RAB37: variants seen among roughly 807,000 people sequenced by gnomAD.
RAB37 encodes ras-related protein Rab-37.
Under a neutral mutation model 33.1 loss-of-function variants are expected in RAB37, and 29 were observed. That is an observed-to-expected ratio of 0.88 (90% CI 0.65 to 1.20). The LOEUF (loss-of-function observed/expected upper bound fraction) is 1.20. Among genes scored for constraint, RAB37 ranks in the 50% most tolerant of loss-of-function variants. The pLI is 0.00. For missense variants in RAB37, 299 were observed against 301.1 expected, an observed-to-expected ratio of 0.99 and a Z score of 0.05; for synonymous variants, 128 against 119.5, an observed-to-expected ratio of 1.07 and a Z score of -0.47.
At chr17:74,693,476 G>A (rs867168141) in intron 1 of RAB37, among the ~76,000 whole-genome samples, 9 of 152,260 alleles carry the variant, frequency 5.9e-5, no homozygotes, top group Middle Eastern at 3.4e-3. Context: ...TTGCTGGGAC[G>A]AGAATGGACT....
At chr17:74,735,075 AAAG>A (rs1394651618), upstream of RAB37, among the ~76,000 whole-genome samples, 4 of 138,714 alleles carry the variant, frequency 2.9e-5, no homozygotes, top group African/African-American at 5.9e-5. Context: ...AAGAAAGGGA[AAAG>A]AAGGAAGGAA....
intron 1 of RAB37, among the ~76,000 whole-genome samples, chr17:74,674,581 G>T (rs141537905): frequency 1.3e-5 from 2 of 152,216 alleles, no homozygotes; most frequent in African/African-American, 4.8e-5. Flanking sequence ...GGGAGGCTGA[G>T]ACAGGAGAAT....
Position 74,698,411 on chromosome 17 carries a change from C to T in RAB37, c.72+26753C>T, listed in dbSNP as rs148594652. On this transcript the variant is annotated intron_variant, in intron 1 of 7. Transcript: ENST00000340415. Reference sequence around the variant, plus strand: ...ATCATCCTCCAAGCCAAGAGTGAGGCGGCCACCAAAAGCAGCAGCAATATG... The same window carrying T: ...ATCATCCTCCAAGCCAAGAGTGAGGTGGCCACCAAAAGCAGCAGCAATATG... 286 of 1,613,954 alleles carry T rather than the reference C, an allele frequency of 1.8e-4. 1 individual carries two copies. The highest frequency in any genetic ancestry group is 8.3e-4 in the Middle Eastern group (5 of 6,012).
chr17:74,688,802 C>T (rs1260452318), intron 1 of RAB37, among the ~76,000 whole-genome samples: 1 of 152,096 alleles, frequency 6.6e-6, no homozygotes, highest in East Asian at 1.9e-4. Flanking sequence ...AATCAGGTGG[C>T]TTCATAAGTT....
chr17:74,737,489 G>T (rs2034508132), intron 1 of RAB37, 124 bp downstream of exon 1: 1 of 1,136,004 alleles, frequency 8.8e-7, no homozygotes, highest in African/African-American at 1.6e-5. Context: ...AGGGAGAGAG[G>T]GTCAGGACAC....
rs1012580688 is a variant in RAB37 at position 74,730,735 on chromosome 17, G to A, written c.183+1369G>A. 6.6e-6 allele frequency among the ~76,000 whole-genome samples: 1 copy of A among 152,094 alleles called. No homozygotes were observed. Among genetic ancestry groups the A allele is most frequent in the Non-Finnish European group, 1.5e-5 (1 of 68,004 alleles). Reference sequence around the variant, plus strand: ...ACACCCTGCCCTCAGGGTCACACCCGCATCTCCTCACCCACCCTTCTGCCT... The same window carrying A: ...ACACCCTGCCCTCAGGGTCACACCCACATCTCCTCACCCACCCTTCTGCCT... On this transcript the variant is annotated intron_variant, in intron 2 of 7. Transcript: ENST00000340415. The surrounding 1 kb of genome is among the most constrained non-coding windows in gnomAD (Gnocchi z 4.4).
In RAB37 at chr17:74,738,434, C is replaced by T. The variant is rs1218705803; in HGVS notation, c.93+1069C>T. ...CTCGGAGAGGAGGAGCTGCTGTTGG[C>T]CAGGCCCCAGGCTGAGGGGGACTGC... On this transcript the variant is annotated intron_variant, in intron 1 of 8. Transcript: ENST00000392613. This position sits in a 1 kb window ranked among gnomAD's most constrained non-coding sequence, Gnocchi z 5.0. 2.6e-5 allele frequency among the ~76,000 whole-genome samples: 4 copies of T among 152,186 alleles called. No homozygotes were observed. The highest frequency in any genetic ancestry group is 5.9e-5 in the Non-Finnish European group (4 of 68,020).
At position 74,744,778 on chromosome 17, in the gene RAB37, C is replaced by T. The variant is rs1210436214; in HGVS notation, c.433-95C>T. The T allele has an allele frequency of 2.2e-5, 32 of 1,456,362 alleles. No individual in the cohort carries two copies. Among genetic ancestry groups the T allele is most frequent in the Non-Finnish European group, 2.2e-5 (23 of 1,037,184 alleles). 90.2% of individuals were successfully genotyped at this position (1,456,362 alleles called of 1,614,324 possible). ...ACCTGCCTGCAGTCCCTTGGGCCAC[C>T]AGCAGAGGGCAGGCAACGCCTGCTT... On this transcript the variant is annotated intron_variant, in intron 6 of 8. Coordinates refer to ENST00000392613, the MANE Select transcript of RAB37 (RefSeq NM_001006638.3). The surrounding 1 kb of genome is among the most constrained non-coding windows in gnomAD (Gnocchi z 4.2).
At chr17:74,731,259 G>A (rs754638814) in intron 2 of RAB37, among the ~76,000 whole-genome samples, 2 of 152,196 alleles carry the variant, frequency 1.3e-5, no homozygotes, top group Admixed American at 6.5e-5. Context: ...GGGCCCTGCC[G>A]CTGGCCAGGC....
At chr17:74,743,487 A>C in intron 5 of RAB37, 147 bp downstream of exon 5, 2 of 818,606 alleles carry the variant, frequency 2.4e-6, no homozygotes, top group East Asian at 2.5e-5. Flanking sequence ...CTCAGAAGTC[A>C]TATCTGCTGC....
At chr17:74,674,498 C>T (rs1463593386) in intron 1 of RAB37, among the ~76,000 whole-genome samples, 7 of 151,800 alleles carry the variant, frequency 4.6e-5, no homozygotes, top group Admixed American at 1.3e-4. Flanking sequence ...GCCAACATGG[C>T]GAAACTTTGT....
At chr17:74,679,451 G>A (rs1160279266) in intron 1 of RAB37, among the ~76,000 whole-genome samples, 1 of 152,044 alleles carries the variant, frequency 6.6e-6, no homozygotes, top group Non-Finnish European at 1.5e-5. Flanking sequence ...GTTTCATTTG[G>A]TTATCAGGTA....
chr17:74,702,915 T>A (rs534442195), intron 1 of RAB37: 1 of 802,074 alleles, frequency 1.2e-6, no homozygotes, highest in African/African-American at 1.7e-5. Context: ...AGCTTCCTCA[T>A]CCTCACCAAG....
At chr17:74,728,991 CTTCTGTGTGTATGT>C (rs1846737559) in intron 1 of RAB37, among the ~76,000 whole-genome samples, 1 of 148,374 alleles carries the variant, frequency 6.7e-6, no homozygotes, top group South Asian at 2.2e-4. Context: ...TATGTGTGTG[CTTCTGTGTGTATGT>C]TTCTGTGTGT....
At chr17:74,674,017 A>G (rs1207202943) in intron 1 of RAB37, among the ~76,000 whole-genome samples, 1 of 152,176 alleles carries the variant, frequency 6.6e-6, no homozygotes, top group Admixed American at 6.5e-5. Context: ...AGGAGTTCCC[A>G]TTGATTGATT....
intron 1 of RAB37, among the ~76,000 whole-genome samples, chr17:74,693,829 T>C (rs917501258): frequency 2.6e-5 from 4 of 151,842 alleles, no homozygotes; most frequent in African/African-American, 9.7e-5. Context: ...CTTGGGAGAC[T>C]GAGGCAAGAG....
rs374529847 is a variant in RAB37 at position 74,744,995 on chromosome 17, C to G, written c.490-13C>G. On this transcript the variant is annotated splice_polypyrimidine_tract_variant and intron_variant, in intron 7 of 8. Coordinates refer to ENST00000392613, the MANE Select transcript of RAB37 (RefSeq NM_001006638.3). This position sits in a 1 kb window ranked among gnomAD's most constrained non-coding sequence, Gnocchi z 4.2. ...ACCCGACGCTGGCCCTGAGGACACT[C>G]TCTCCCGGGCAGGAGTACGGTGTTC... 21 of 1,614,216 alleles carry G rather than the reference C, an allele frequency of 1.3e-5. No individual in the cohort carries two copies. The highest frequency in any genetic ancestry group is 1.6e-4 in the Middle Eastern group (1 of 6,062).
rs1567817223 is a variant in RAB37, at chr17:74,745,005, C to T, written c.490-3C>T. The stretch of plus-strand genomic sequence containing the variant: ...GGCCCTGAGGACACTCTCTCCCGGG[C>T]AGGAGTACGGTGTTCCCTTCCTGGA... On this transcript the variant is annotated splice_polypyrimidine_tract_variant and splice_region_variant and intron_variant, in intron 7 of 8. Transcript: ENST00000392613. The surrounding 1 kb of genome is among the most constrained non-coding windows in gnomAD (Gnocchi z 4.5). 1 of 1,614,272 alleles carries T rather than the reference C, an allele frequency of 6.2e-7. No homozygotes were observed. The highest frequency in any genetic ancestry group is 1.1e-5 in the South Asian group (1 of 91,092).
intron 1 of RAB37, among the ~76,000 whole-genome samples, chr17:74,714,417 A>ACG (rs1310606437): frequency 6.6e-6 from 1 of 151,248 alleles, no homozygotes; most frequent in Non-Finnish European, 1.5e-5. Flanking sequence ...ACACACACAC[A>ACG]CACACACACA....
Sources: gnomAD v4.1 joint callset for allele counts (sites outside exome capture counted in the v4.1 genomes callset) on GRCh38, gnomAD v4.1.1 for gene constraint, Gnocchi (gnomAD v3.1) non-coding constraint, MANE v1.5 for transcripts, NCBI Gene and HGNC (gene_info 2026-07-23, HGNC 2026-07-21) for gene names.